The following RELN variants were observed in gnomAD, a reference collection of about 807,000 sequenced individuals.
RELN encodes reelin.
In RELN, 108 loss-of-function variants were observed where a neutral mutation model predicts 427.6. That is an observed-to-expected ratio of 0.25 (90% confidence interval 0.22 to 0.30). The LOEUF (loss-of-function observed/expected upper bound fraction) is 0.30, where lower values mean the gene tolerates loss of function less well. RELN is among the 10% of genes least tolerant of loss of function. RELN has a pLI of 1.00. For missense variants in RELN, 3,715 were observed against 4,302.8 expected (o/e 0.86, Z 3.82); for synonymous variants, 1,524 against 1,513.4 (o/e 1.01, Z -0.16).
intron 11 of RELN, among the ~76,000 whole-genome samples, chr7:103,667,099 A>G (rs549377227): frequency 6.6e-6 from 1 of 152,320 alleles, no homozygotes; most frequent in African/African-American, 2.4e-5. Flanking sequence ...TACATATTGA[A>G]GAAAATTATC....
chr7:103,764,662 C>G (rs1791384279), intron 4 of RELN, among the ~76,000 whole-genome samples: 1 of 151,562 alleles, frequency 6.6e-6, no homozygotes, highest in East Asian at 1.9e-4. Context: ...ATGGTGAAAC[C>G]CCATCTCTAC....
chr7:103,763,873 T>C (rs1791362598), intron 4 of RELN, among the ~76,000 whole-genome samples: 1 of 151,932 alleles, frequency 6.6e-6, no homozygotes, highest in African/African-American at 2.4e-5. Context: ...AGCATTTTGA[T>C]CAATGTGTGA....
chr7:103,949,381 T>TG (rs1796287252), intron 1 of RELN, among the ~76,000 whole-genome samples: 1 of 103,172 alleles, frequency 9.7e-6, no homozygotes, highest in Admixed American at 1.0e-4. Flanking sequence ...AACTTTGAAC[T>TG]TAAAAAAAAA....
At chr7:103,587,019 T>A (rs1024458961) in intron 28 of RELN, among the ~76,000 whole-genome samples, 1 of 152,094 alleles carries the variant, frequency 6.6e-6, no homozygotes, top group Non-Finnish European at 1.5e-5. Context: ...TTTCACAGAA[T>A]TGGAAAAAAC....
Position 103,600,913 on chromosome 7 carries a change from C to A in RELN, c.3333+2391G>T, listed in dbSNP as rs555469180. 7.2e-5 allele frequency among the ~76,000 whole-genome samples: 11 copies of A among 152,270 alleles called. No homozygotes were observed. The East Asian group carries it at 2.1e-3, about 29-fold the overall frequency. On this transcript the variant is annotated intron_variant, in intron 24 of 64. Transcript: ENST00000428762. ...CTCTTTCTGTGTTCCCAACATTATT[C>A]TTTACTCTTTACTTGCATCGACTTA...
At chr7:103,728,349 A>G in intron 6 of RELN, 142 bp from the exon 7 acceptor site, 1 of 801,292 alleles carries the variant, frequency 1.2e-6, no homozygotes, top group Admixed American at 2.0e-5. Flanking sequence ...TTGCATCATG[A>G]TAAGGTTAAG....
intron 42 of RELN, among the ~76,000 whole-genome samples, chr7:103,543,936 C>T (rs1358181382): frequency 7.9e-5 from 12 of 152,162 alleles, no homozygotes; most frequent in Non-Finnish European, 1.8e-4. Context: ...CTTTCCCCTC[C>T]TCCAACGCTG....
chr7:103,665,362 GTA>G (rs781583835), intron 11 of RELN, among the ~76,000 whole-genome samples: 1,534 of 90,760 alleles, frequency 0.017, 11 homozygotes, highest in African/African-American at 0.037. Context: ...GTGTGTGTGT[GTA>G]TATATATATA....
chr7:103,646,493 C>A (rs1477775682), intron 16 of RELN, among the ~76,000 whole-genome samples: 2 of 151,890 alleles, frequency 1.3e-5, no homozygotes, highest in Non-Finnish European at 2.9e-5. Flanking sequence ...CTGTAAACAT[C>A]TTTATGTGCA....
chr7:103,803,556 C>T (rs1792520841), intron 3 of RELN, among the ~76,000 whole-genome samples: 1 of 152,078 alleles, frequency 6.6e-6, no homozygotes, highest in African/African-American at 2.4e-5. Context: ...TAAATAAATA[C>T]TCTTTGGCAC....
At chr7:103,503,300 GC>G in intron 51 of RELN, 70 bp from the exon 52 acceptor site, 1 of 1,362,060 alleles carries the variant, frequency 7.3e-7, no homozygotes, top group Non-Finnish European at 1.0e-6. Flanking sequence ...GGACTTGGCA[GC>G]AAAAAAGCTG....
chr7:103,596,069 CA>C (rs1205476809), intron 25 of RELN, among the ~76,000 whole-genome samples: 3 of 152,066 alleles, frequency 2.0e-5, no homozygotes, highest in South Asian at 2.1e-4. Context: ...AACACTTTAA[CA>C]AAAAAATCCA....
rs1207993779 is a variant in RELN at position 103,872,386 on chromosome 7, C to A, written c.338-38714G>T. On this transcript the variant is annotated intron_variant, in intron 2 of 64. Coordinates refer to ENST00000428762, the MANE Select transcript of RELN (RefSeq NM_005045.4). Reference sequence around the variant, plus strand: ...ATTTCATCCATGTCCCTACAAAGGACATGAACTCATCCTTTCTTATGGCTG... The same window carrying A: ...ATTTCATCCATGTCCCTACAAAGGAAATGAACTCATCCTTTCTTATGGCTG... Among the ~76,000 whole-genome samples the A allele has an allele frequency of 4.3e-5, 6 of 140,274 alleles. 2 individuals carry two copies. Among genetic ancestry groups the A allele is most frequent in the Non-Finnish European group, 9.4e-5 (6 of 63,920 alleles). The allele number at this position is 140,274 out of a possible 152,430, so 92.0% of individuals were successfully genotyped here.
At chr7:103,709,201 G>C (rs1258504604) in intron 8 of RELN, among the ~76,000 whole-genome samples, 1 of 152,100 alleles carries the variant, frequency 6.6e-6, no homozygotes, top group Admixed American at 6.5e-5. Flanking sequence ...TATAGCCCCT[G>C]TCCACTATTA....
intron 46 of RELN, among the ~76,000 whole-genome samples, chr7:103,534,131 G>C (rs1379739871): frequency 2.6e-5 from 4 of 152,186 alleles, no homozygotes; most frequent in Non-Finnish European, 1.5e-5. Context: ...ATGAATGGTT[G>C]AATTTTATGG....
At chr7:103,948,746 G>A (rs1796269778) in intron 1 of RELN, among the ~76,000 whole-genome samples, 1 of 152,056 alleles carries the variant, frequency 6.6e-6, no homozygotes, top group East Asian at 1.9e-4. Context: ...ACGCAACACG[G>A]TTGATGTCTG....
intron 25 of RELN, 124 bp from the exon 26 acceptor site, chr7:103,594,616 C>A: frequency 9.8e-7 from 1 of 1,022,968 alleles, no homozygotes; most frequent in Non-Finnish European, 1.5e-6. Flanking sequence ...CAATATTTTC[C>A]AAAAGCCCGT....
chr7:103,707,705 G>T (rs570928398), intron 8 of RELN, among the ~76,000 whole-genome samples: 1 of 152,040 alleles, frequency 6.6e-6, no homozygotes, highest in African/African-American at 2.4e-5. Context: ...CACCATGTTG[G>T]CCAGGATGGT....
chr7:103,893,713 C>A (rs918134596), intron 2 of RELN, among the ~76,000 whole-genome samples: 1 of 152,040 alleles, frequency 6.6e-6, no homozygotes, highest in Admixed American at 6.6e-5. Context: ...CCTTTGCAAC[C>A]AAAGACATGC....
Sources: gnomAD v4.1 joint callset for allele counts (sites outside exome capture counted in the v4.1 genomes callset) on GRCh38, gnomAD v4.1.1 for gene constraint, MANE v1.5 for transcripts, NCBI Gene and HGNC (gene_info 2026-07-23, HGNC 2026-07-21) for gene names.